The following PRDM16 variants were observed in gnomAD, a reference collection of about 807,000 sequenced individuals.
PRDM16 encodes PR/SET domain 16.
Under a neutral mutation model 110.6 loss-of-function variants are expected in PRDM16, and 23 were observed. The observed-to-expected ratio is 0.21, with a 90% CI of 0.15 to 0.29. The LOEUF (loss-of-function observed/expected upper bound fraction) is 0.29. PRDM16 is among the 10% of genes least tolerant of loss of function. The pLI is 1.00. For synonymous variants in PRDM16, 799 were observed against 781.8 expected, an observed-to-expected ratio of 1.02 and a Z score of -0.37; for missense variants, 1,615 against 1,794.3, an observed-to-expected ratio of 0.90 and a Z score of 1.81.
intron 1 of PRDM16, among the ~76,000 whole-genome samples, chr1:3,116,873 G>A (rs1167003692): frequency 5.9e-5 from 9 of 152,278 alleles, no homozygotes; most frequent in Admixed American, 1.3e-4. Flanking sequence ...ACAAACCCCC[G>A]TGACTGGGCA....
At chr1:3,088,168 G>C (rs948245425) in intron 1 of PRDM16, among the ~76,000 whole-genome samples, 5 of 152,146 alleles carry the variant, frequency 3.3e-5, no homozygotes, top group African/African-American at 1.2e-4. Flanking sequence ...TGCACACACA[G>C]GAGTTTTGTT....
Position 3,425,403 on chromosome 1 carries a change from T to TCC in PRDM16, c.2940-175_2940-174dup. 1 of 608,802 alleles carries TCC rather than the reference T, an allele frequency of 1.6e-6. No homozygotes were observed. Among genetic ancestry groups the TCC allele is most frequent in the South Asian group, 2.1e-5 (1 of 47,932 alleles). 37.7% of individuals were successfully genotyped at this position (608,802 alleles called of 1,614,324 possible). ...GCCGGGGCTGTTTCTAGGGACAGCT[T>TCC]CCCCAGGATGCCTTTGGCTCTGCAG... On this transcript the variant is annotated intron_variant, in intron 12 of 16. Coordinates refer to ENST00000270722, the MANE Select transcript of PRDM16 (RefSeq NM_022114.4). The surrounding 1 kb of genome is among the most constrained non-coding windows in gnomAD (Gnocchi z 6.9).
intron 3 of PRDM16, among the ~76,000 whole-genome samples, chr1:3,285,568 A>G (rs1640826323): frequency 6.6e-6 from 1 of 152,112 alleles, no homozygotes; most frequent in Admixed American, 6.5e-5. Flanking sequence ...GAGCTGTGAC[A>G]TGCTCGCTCG....
At chr1:3,182,202 G>T (rs546163684) in intron 1 of PRDM16, among the ~76,000 whole-genome samples, 1 of 152,208 alleles carries the variant, frequency 6.6e-6, no homozygotes, top group Non-Finnish European at 1.5e-5. Flanking sequence ...TACCGACTCC[G>T]AAAAACCCCC....
rs1557659588 is a variant in PRDM16 at position 3,409,841 on chromosome 1, G to GGTGTATGTGCGTGT, written c.1187-1539_1187-1538insATGTGCGTGTGTGT. ...TGTGTGTGGTTGTGTGTGGGTGTGT[G>GGTGTATGTGCGTGT]GTGTGGGTGTGTGTGTGGTGTTTGT... On this transcript the variant is annotated intron_variant, in intron 8 of 16. Transcript: ENST00000270722. Among the ~76,000 whole-genome samples, 6 of 141,574 alleles carry GGTGTATGTGCGTGT rather than the reference G, an allele frequency of 4.2e-5. No homozygotes were observed. The East Asian group carries it at 1.1e-3, about 26-fold the overall frequency. The allele number at this position is 141,574 out of a possible 152,430, so 92.9% of individuals were successfully genotyped here. A position where few individuals can be genotyped will look rare whatever the true frequency, so the allele number is the denominator to read the frequency against.
At chr1:3,408,179 C>T (rs1178374957) in intron 8 of PRDM16, among the ~76,000 whole-genome samples, 1 of 152,216 alleles carries the variant, frequency 6.6e-6, no homozygotes, top group East Asian at 1.9e-4. Context: ...TGGCCAGACT[C>T]CGTGTCCACC....
At chr1:3,191,074 G>C (rs1638297965) in intron 2 of PRDM16, among the ~76,000 whole-genome samples, 1 of 152,172 alleles carries the variant, frequency 6.6e-6, no homozygotes, top group Admixed American at 6.5e-5. Context: ...TTGTTTCTTT[G>C]TTGACTGTGT....
intron 2 of PRDM16, among the ~76,000 whole-genome samples, chr1:3,214,724 C>T (rs1224694865): frequency 6.6e-6 from 1 of 152,198 alleles, no homozygotes; most frequent in African/African-American, 2.4e-5. Context: ...GAGACAGATT[C>T]TTCTTATTCT....
chr1:3,235,124 G>A (rs1467455688), intron 2 of PRDM16, among the ~76,000 whole-genome samples: 2 of 152,230 alleles, frequency 1.3e-5, no homozygotes, highest in Non-Finnish European at 2.9e-5. Context: ...CCCCTACCGA[G>A]CCCTGCCTGC....
chr1:3,433,301 G>T (rs28685204), intron 16 of PRDM16, among the ~76,000 whole-genome samples: 1 of 152,252 alleles, frequency 6.6e-6, no homozygotes, highest in Non-Finnish European at 1.5e-5. Flanking sequence ...TCCAGGCTGC[G>T]GGGAGAATCC....
Position 3,437,847 on chromosome 1 carries a change from A to AC in PRDM16, c.*4037dup, listed in dbSNP as rs1638950049. 1 of 217,700 alleles carries AC rather than the reference A, an allele frequency of 4.6e-6. No individual in the cohort carries two copies. The highest frequency in any genetic ancestry group is 9.2e-6 in the Non-Finnish European group (1 of 108,178). 13.5% of individuals were successfully genotyped at this position (217,700 alleles called of 1,614,324 possible). A position where few individuals can be genotyped will look rare whatever the true frequency, so the allele number is the denominator to read the frequency against. ...CATTCTAACAATTGCCTTCAGCGTC[A>AC]CGTGCATTGCCACTGCGCTTTCGGC... On this transcript the variant is annotated 3_prime_UTR_variant, in exon 17 of 17. Transcript: ENST00000270722.
chr1:3,368,632 A>G (rs1270538847), intron 3 of PRDM16, among the ~76,000 whole-genome samples: 1 of 152,218 alleles, frequency 6.6e-6, no homozygotes, highest in African/African-American at 2.4e-5. Flanking sequence ...GTCCTGGCTC[A>G]GGATAGCAGA....
chr1:3,356,401 C>T (rs751450519), intron 3 of PRDM16, among the ~76,000 whole-genome samples: 3 of 152,212 alleles, frequency 2.0e-5, no homozygotes, highest in Non-Finnish European at 4.4e-5. Context: ...AGGTCCGACG[C>T]CGTGTCCACA....
chr1:3,122,000 C>T (rs553332122), intron 1 of PRDM16, among the ~76,000 whole-genome samples: 34 of 152,348 alleles, frequency 2.2e-4, no homozygotes, highest in African/African-American at 7.2e-4. Flanking sequence ...CGGTTGGTAT[C>T]GCCAGATCTT....
rs1377636962 is a variant in PRDM16, at chr1:3,240,052, GGAGAA to G, written c.388-4031_388-4027del. Among the ~76,000 whole-genome samples the G allele has an allele frequency of 3.6e-3, 312 of 87,680 alleles. 6 individuals carry two copies. Among genetic ancestry groups the G allele is most frequent in the African/African-American group, 0.015 (264 of 17,034 alleles). 57.5% of individuals were successfully genotyped at this position (87,680 alleles called of 152,430 possible). On this transcript the variant is annotated intron_variant, in intron 2 of 16. Coordinates refer to ENST00000270722, the MANE Select transcript of PRDM16 (RefSeq NM_022114.4). ...GAGGAGAGGAGAAGAGGAGAGGAGAGGAGAAGAGGAGAGGAGAGGAGAGGAGAGGA... is the reference window on the plus strand; with the variant it reads ...GAGGAGAGGAGAAGAGGAGAGGAGAGGAGGAGAGGAGAGGAGAGGAGAGGA...
At chr1:3,172,059 G>A (rs1345020186) in intron 1 of PRDM16, among the ~76,000 whole-genome samples, 2 of 152,214 alleles carry the variant, frequency 1.3e-5, no homozygotes, top group Admixed American at 6.5e-5. Flanking sequence ...TTATGCTGCT[G>A]TGGGCCCTGC....
intron 3 of PRDM16, among the ~76,000 whole-genome samples, chr1:3,346,798 G>T (rs928229742): frequency 6.6e-6 from 1 of 152,144 alleles, no homozygotes; most frequent in South Asian, 2.1e-4. Context: ...TCTCACGTTC[G>T]CCCGCCCCAG....
At chr1:3,092,757 G>T (rs964715493) in intron 1 of PRDM16, among the ~76,000 whole-genome samples, 1 of 152,102 alleles carries the variant, frequency 6.6e-6, no homozygotes, top group Admixed American at 6.5e-5. Flanking sequence ...TGCACTTTGG[G>T]GTCTCCCGGC....
chr1:3,185,431 A>C (rs1644256091), intron 1 of PRDM16, among the ~76,000 whole-genome samples: 1 of 152,040 alleles, frequency 6.6e-6, no homozygotes, highest in Admixed American at 6.5e-5. Flanking sequence ...GCCCTACCCC[A>C]GTGCATGTCC....
Sources: allele counts gnomAD v4.1 joint callset (sites outside exome capture counted in the v4.1 genomes callset), GRCh38; gene constraint gnomAD v4.1.1; non-coding constraint Gnocchi (gnomAD v3.1); transcripts MANE v1.5; gene names NCBI Gene and HGNC (gene_info 2026-07-23, HGNC 2026-07-21).